Variants in RBMS1 observed in about 807,000 individuals in gnomAD.
RBMS1 encodes the protein RNA binding motif single stranded interacting protein 1, also known as RNA-binding motif, single-stranded-interacting protein 1.
Under a neutral mutation model 62.3 loss-of-function variants are expected in RBMS1, and 17 were observed. The ratio of observed to expected loss-of-function variants is 0.27; its 90% CI spans 0.19 to 0.41. The LOEUF (loss-of-function observed/expected upper bound fraction) is 0.41, where lower values mean the gene tolerates loss of function less well. RBMS1 is among the 10% of genes least tolerant of loss of function. RBMS1 has a pLI of 1.00. For missense variants in RBMS1, 334 were observed against 504.5 expected (o/e 0.66, Z 3.24); for synonymous variants, 172 against 170.0 (o/e 1.01, Z -0.09).
intron 2 of RBMS1, among the ~76,000 whole-genome samples, chr2:160,348,046 G>C (rs1005705887): frequency 4.6e-5 from 7 of 152,042 alleles, no homozygotes; most frequent in African/African-American, 1.7e-4. Context: ...CCTGCACAGT[G>C]ATTATCTCTA....
At chr2:160,438,930 G>A (rs1411974671) in intron 1 of RBMS1, among the ~76,000 whole-genome samples, 12 of 148,340 alleles carry the variant, frequency 8.1e-5, no homozygotes, top group South Asian at 4.3e-4. Context: ...CGGCTGGCCG[G>A]GCAGAGGGGC....
intron 2 of RBMS1, among the ~76,000 whole-genome samples, chr2:160,338,426 A>AT (rs1691693739): frequency 1.3e-5 from 2 of 152,268 alleles, no homozygotes; most frequent in South Asian, 4.1e-4. Flanking sequence ...ACGAGAGACT[A>AT]TAGAGTACTC....
intron 1 of RBMS1, among the ~76,000 whole-genome samples, chr2:160,441,349 C>T (rs935213695): frequency 9.9e-5 from 15 of 152,114 alleles, no homozygotes; most frequent in African/African-American, 3.6e-4. Context: ...TTTTTGTGAA[C>T]CTATGTTTTT....
intron 1 of RBMS1, among the ~76,000 whole-genome samples, chr2:160,397,382 T>C (rs1173855692): frequency 6.6e-6 from 1 of 152,166 alleles, no homozygotes; most frequent in Non-Finnish European, 1.5e-5. Context: ...ATAACCCATT[T>C]TCTCCTTCCT....
At chr2:160,438,717 C>G (rs912778682) in intron 1 of RBMS1, among the ~76,000 whole-genome samples, 1 of 152,248 alleles carries the variant, frequency 6.6e-6, no homozygotes, top group Non-Finnish European at 1.5e-5. Flanking sequence ...CCTTTCCCCC[C>G]TTTCTATTCC....
chr2:160,390,924 T>C (rs915601854), intron 1 of RBMS1, among the ~76,000 whole-genome samples: 5 of 151,904 alleles, frequency 3.3e-5, no homozygotes, highest in Admixed American at 2.0e-4. Flanking sequence ...ATATACATTA[T>C]GTACAACAGA....
intron 10 of RBMS1, chr2:160,279,676 C>T (rs1350190834): frequency 2.6e-5 from 4 of 152,158 alleles, no homozygotes; most frequent in Admixed American, 6.5e-5. Context: ...TATTCTGACA[C>T]GCTCTGTAAC....
At chr2:160,362,578 T>C (rs1175466234) in intron 2 of RBMS1, among the ~76,000 whole-genome samples, 1 of 152,184 alleles carries the variant, frequency 6.6e-6, no homozygotes, top group Non-Finnish European at 1.5e-5. Context: ...TATATGGGAA[T>C]GGTTTGTGGT....
At position 160,272,371 on chromosome 2, in the gene RBMS1, T is replaced by C. The variant is rs537277527; in HGVS notation, c.*2401A>G. On this transcript the variant is annotated 3_prime_UTR_variant, in exon 14 of 14. Coordinates refer to ENST00000348849, the MANE Select transcript of RBMS1 (RefSeq NM_016836.4). ...TAAAAAATTAACTCTCTTGATCATA[T>C]AGATATCTCTATGAAAATCTTTTTT... 10 of 152,102 alleles carry C rather than the reference T, an allele frequency of 6.6e-5. No individual in the cohort carries two copies. The highest frequency in any genetic ancestry group is 1.3e-4 in the Non-Finnish European group (9 of 68,022). 9.4% of individuals were successfully genotyped at this position (152,102 alleles called of 1,614,324 possible).
chr2:160,421,435 A>G (rs1339559455), intron 1 of RBMS1, among the ~76,000 whole-genome samples: 1 of 152,008 alleles, frequency 6.6e-6, no homozygotes, highest in East Asian at 1.9e-4. Context: ...GTTGAGAATG[A>G]TGGTTTCCAG....
intron 1 of RBMS1, among the ~76,000 whole-genome samples, chr2:160,380,171 T>G (rs1369326849): frequency 2.0e-5 from 3 of 152,094 alleles, no homozygotes; most frequent in Non-Finnish European, 4.4e-5. Context: ...CTCTCCTCAC[T>G]CACCACAGAG....
intron 4 of RBMS1, among the ~76,000 whole-genome samples, chr2:160,310,221 G>T (rs562265478): frequency 9.9e-5 from 15 of 152,172 alleles, no homozygotes; most frequent in Admixed American, 9.2e-4. Context: ...CATTACATCT[G>T]TCTCTGTATG....
intron 2 of RBMS1, among the ~76,000 whole-genome samples, chr2:160,361,703 T>C (rs563843726): frequency 1.1e-4 from 16 of 152,172 alleles, no homozygotes; most frequent in Non-Finnish European, 2.1e-4. Flanking sequence ...CACCTGTAAC[T>C]CCAGCTACTC....
chr2:160,349,181 A>T (rs182743568), intron 2 of RBMS1, among the ~76,000 whole-genome samples: 1 of 152,100 alleles, frequency 6.6e-6, no homozygotes, highest in African/African-American at 2.4e-5. Flanking sequence ...TCTATTTATT[A>T]GCAATTCTGC....
At chr2:160,436,431 G>T (rs1433215474) in intron 1 of RBMS1, among the ~76,000 whole-genome samples, 2 of 152,216 alleles carry the variant, frequency 1.3e-5, no homozygotes, top group Non-Finnish European at 2.9e-5. Context: ...CAAGCTGCCT[G>T]CTGAATGCAG....
In RBMS1 at chr2:160,331,803, G is replaced by C. The variant is rs563673399; in HGVS notation, c.252-13576C>G. 1.1e-4 allele frequency among the ~76,000 whole-genome samples: 16 copies of C among 152,228 alleles called. No homozygotes were observed. In the East Asian group the frequency reaches 3.1e-3, roughly 29 times the overall value. On this transcript the variant is annotated intron_variant, in intron 2 of 13. Transcript: ENST00000348849. ...CTAGAAAAGGAAAGACTATAAAGCAGGCCTTTCCAAGAACTGGAGTCGAGT... is the reference window on the plus strand; with the variant it reads ...CTAGAAAAGGAAAGACTATAAAGCACGCCTTTCCAAGAACTGGAGTCGAGT...
At chr2:160,361,553 A>G (rs1407495155) in intron 2 of RBMS1, among the ~76,000 whole-genome samples, 7 of 152,184 alleles carry the variant, frequency 4.6e-5, no homozygotes, top group African/African-American at 1.7e-4. Flanking sequence ...AAGTCAAACG[A>G]ATTTTTTTGT....
At chr2:160,488,301 C>T (rs559212464) in intron 1 of RBMS1, among the ~76,000 whole-genome samples, 71 of 152,280 alleles carry the variant, frequency 4.7e-4, no homozygotes, top group African/African-American at 1.6e-3. Flanking sequence ...AGAGGCTGGG[C>T]GCAGTGGCTC....
chr2:160,276,313 T>C (rs961941918), intron 12 of RBMS1, among the ~76,000 whole-genome samples: 1 of 152,012 alleles, frequency 6.6e-6, no homozygotes, highest in Admixed American at 6.6e-5. Flanking sequence ...TTGTCAGTAA[T>C]TGCACAAACA....
Sources: allele counts gnomAD v4.1 joint callset (sites outside exome capture counted in the v4.1 genomes callset), GRCh38; gene constraint gnomAD v4.1.1; transcripts MANE v1.5; gene names NCBI Gene and HGNC (gene_info 2026-07-23, HGNC 2026-07-21).